Variants in RAI14 observed in about 807,000 individuals in gnomAD.
RAI14 encodes retinoic acid induced 14.
RAI14 carries 45 observed loss-of-function variants against 115.4 expected under a neutral mutation model. That is an observed-to-expected ratio of 0.39 (90% CI 0.31 to 0.50). RAI14 has a LOEUF of 0.50. RAI14 is among the 20% of genes least tolerant of loss of function. The probability of loss-of-function intolerance (pLI) is 0.85; values close to 1 mark genes in which losing one functional copy is unlikely to be tolerated. For missense variants in RAI14, 939 were observed against 1,131.2 expected, an observed-to-expected ratio of 0.83 and a Z score of 2.44; for synonymous variants, 371 against 415.4, an observed-to-expected ratio of 0.89 and a Z score of 1.30.
chr5:34,829,128 T>C (rs1471388439), intron 16 of RAI14, among the ~76,000 whole-genome samples: 2 of 95,692 alleles, frequency 2.1e-5, no homozygotes, highest in Admixed American at 1.2e-4. Flanking sequence ...TACACACACA[T>C]ATATACATAT....
Position 34,758,463 on chromosome 5 carries a change from G to A in RAI14, c.167+865G>A, listed in dbSNP as rs186735724. Among the ~76,000 whole-genome samples, 232 of 152,286 alleles carry A rather than the reference G, an allele frequency of 1.5e-3. 1 individual carries two copies. Among genetic ancestry groups the A allele is most frequent in the African/African-American group, 5.5e-3 (230 of 41,554 alleles). The stretch of plus-strand genomic sequence containing the variant: ...GGATGTATACACACATACAATGCAA[G>A]TAATTTCTATAGCCGGTGATCCCAG... On this transcript the variant is annotated intron_variant, in intron 3 of 17. Coordinates refer to ENST00000265109, the MANE Select transcript of RAI14 (RefSeq NM_015577.3).
At chr5:34,745,065 T>C (rs1302918825) in intron 2 of RAI14, among the ~76,000 whole-genome samples, 1 of 152,182 alleles carries the variant, frequency 6.6e-6, no homozygotes, top group Non-Finnish European at 1.5e-5. Flanking sequence ...CTTAAACGAA[T>C]ATGACCTCAT....
At chr5:34,814,520 C>T (rs1561073496) in intron 11 of RAI14, 63 bp from the exon 12 acceptor site, 1 of 1,261,720 alleles carries the variant, frequency 7.9e-7, no homozygotes, top group East Asian at 2.3e-5. Flanking sequence ...TTCTTCGGCA[C>T]TGGAGAAGAG....
chr5:34,770,846 GT>G (rs1474990424), intron 3 of RAI14, among the ~76,000 whole-genome samples: 1 of 152,096 alleles, frequency 6.6e-6, no homozygotes, highest in African/African-American at 2.4e-5. Context: ...TTTTAATCCT[GT>G]TTTTTAAAAT....
chr5:34,720,676 C>T (rs1372221673), intron 2 of RAI14, among the ~76,000 whole-genome samples: 1 of 151,946 alleles, frequency 6.6e-6, no homozygotes, highest in East Asian at 1.9e-4. Context: ...TCCCAAAGTG[C>T]TGGGATTACA....
intron 4 of RAI14, among the ~76,000 whole-genome samples, chr5:34,798,496 A>T (rs4703388): frequency 1.3e-5 from 2 of 151,954 alleles, no homozygotes; most frequent in Non-Finnish European, 2.9e-5. Context: ...GTCCCAATAC[A>T]TTTTTACATG....
chr5:34,708,218 T>C (rs540576845), intron 2 of RAI14, among the ~76,000 whole-genome samples: 1 of 152,074 alleles, frequency 6.6e-6, no homozygotes, highest in Admixed American at 6.5e-5. Flanking sequence ...TTTTTTTTTT[T>C]TGAGACCGAG....
chr5:34,680,704 C>G (rs1744323658), intron 1 of RAI14, among the ~76,000 whole-genome samples: 1 of 152,166 alleles, frequency 6.6e-6, no homozygotes, highest in African/African-American at 2.4e-5. Flanking sequence ...TTCACCTGTC[C>G]AAATCCCGTG....
chr5:34,736,473 A>T (rs1744894369), intron 2 of RAI14, among the ~76,000 whole-genome samples: 1 of 152,042 alleles, frequency 6.6e-6, no homozygotes, highest in African/African-American at 2.4e-5. Flanking sequence ...TTCCATAGTT[A>T]TGGAAATGCT....
At chr5:34,755,469 A>G (rs1747766963) in intron 2 of RAI14, among the ~76,000 whole-genome samples, 2 of 152,112 alleles carry the variant, frequency 1.3e-5, no homozygotes, top group Admixed American at 6.5e-5. Context: ...CTTCAGTAGC[A>G]CTAGCCACAT....
chr5:34,818,714 G>T, intron 12 of RAI14, 83 bp from the exon 13 acceptor site: 1 of 1,175,564 alleles, frequency 8.5e-7, no homozygotes, highest in Non-Finnish European at 1.3e-6. Flanking sequence ...CTCTGCGTAA[G>T]CTCAAGGAGG....
At chr5:34,769,877 C>G (rs1359226043) in intron 3 of RAI14, among the ~76,000 whole-genome samples, 1 of 152,126 alleles carries the variant, frequency 6.6e-6, no homozygotes, top group African/African-American at 2.4e-5. Flanking sequence ...CAGGCATGTG[C>G]CACAATACTT....
intron 12 of RAI14, 111 bp downstream of exon 12, chr5:34,814,780 C>A (rs925682175): frequency 1.0e-5 from 9 of 881,734 alleles, no homozygotes; most frequent in Admixed American, 4.6e-5. Flanking sequence ...ATCATTGGTT[C>A]ACAACCTTTT....
At chr5:34,829,648 G>A (rs529162891) in intron 16 of RAI14, 84 bp from the exon 17 acceptor site, 1 of 1,161,202 alleles carries the variant, frequency 8.6e-7, no homozygotes, top group Non-Finnish European at 1.2e-6. Flanking sequence ...GGTAGCATTT[G>A]GCTGCAGCTT....
In RAI14 at chr5:34,709,966, A is replaced by G. The variant is rs980086004; in HGVS notation, c.36+23011A>G. Among the ~76,000 whole-genome samples the G allele has an allele frequency of 2.0e-5, 3 of 152,344 alleles. No homozygotes were observed. In the South Asian group the frequency reaches 6.2e-4, roughly 32 times the overall value. On this transcript the variant is annotated intron_variant, in intron 2 of 17. Transcript: ENST00000265109. ...GTGATTTAAGGCCAGATTGTTTCCA[A>G]GTGGCCTTTTGCAGTTCCTTTGTTC...
chr5:34,801,896 C>G (rs1754318218), intron 4 of RAI14, among the ~76,000 whole-genome samples: 1 of 152,024 alleles, frequency 6.6e-6, no homozygotes, highest in African/African-American at 2.4e-5. Context: ...CATAGCAAGA[C>G]CCCCAGCTCT....
intron 5 of RAI14, among the ~76,000 whole-genome samples, chr5:34,805,892 G>A (rs904869363): frequency 8.6e-5 from 13 of 151,968 alleles, no homozygotes; most frequent in African/African-American, 2.4e-4. Context: ...CTCCCTTCCC[G>A]AACCCTCAGC....
At chr5:34,739,469 A>G (rs1256195143) in intron 2 of RAI14, among the ~76,000 whole-genome samples, 3 of 152,232 alleles carry the variant, frequency 2.0e-5, no homozygotes, top group Non-Finnish European at 2.9e-5. Context: ...TAGAATAGAC[A>G]GAAGGGAGCC....
Position 34,827,406 on chromosome 5 carries a change from C to T in RAI14, c.2799+927C>T, listed in dbSNP as rs1170097170. 2.0e-5 allele frequency among the ~76,000 whole-genome samples: 3 copies of T among 152,206 alleles called. No individual in the cohort carries two copies. Among genetic ancestry groups the T allele is most frequent in the Non-Finnish European group, 4.4e-5 (3 of 68,036 alleles). On this transcript the variant is annotated intron_variant, in intron 16 of 17. Coordinates refer to ENST00000265109, the MANE Select transcript of RAI14 (RefSeq NM_015577.3). The surrounding 1 kb of genome is among the most constrained non-coding windows in gnomAD (Gnocchi z 4.2). ...ACATCTTTCAAGAGCCATTATTTAG[C>T]TTACCACAATATCTGTTAAGGTTTG...
Sources: allele counts gnomAD v4.1 joint callset (sites outside exome capture counted in the v4.1 genomes callset), GRCh38; gene constraint gnomAD v4.1.1; non-coding constraint Gnocchi (gnomAD v3.1); transcripts MANE v1.5; gene names NCBI Gene and HGNC (gene_info 2026-07-23, HGNC 2026-07-21).